Variants in MAGI2 observed in about 807,000 individuals in gnomAD.
The protein encoded by MAGI2 is membrane associated guanylate kinase, WW and PDZ domain containing 2.
In MAGI2, 35 loss-of-function variants were observed where a neutral mutation model predicts 133.3. That is an observed-to-expected ratio of 0.26 (90% CI 0.20 to 0.35). The LOEUF (loss-of-function observed/expected upper bound fraction) is 0.35. Ranked by LOEUF, MAGI2 falls within the 10% of genes least tolerant of loss-of-function variation. The pLI, the probability that MAGI2 is intolerant of heterozygous loss-of-function variation, is 1.00. For synonymous variants in MAGI2, 729 were observed against 710.6 expected (o/e 1.03, Z -0.41); for missense variants, 1,636 against 1,863.4 (o/e 0.88, Z 2.25).
At chr7:78,689,641 A>G (rs1216147294) in intron 2 of MAGI2, among the ~76,000 whole-genome samples, 2 of 145,754 alleles carry the variant, frequency 1.4e-5, no homozygotes, top group Non-Finnish European at 3.0e-5. Context: ...CTAAGATTTC[A>G]TATCAATGAA....
rs531828947 is a variant in MAGI2, at chr7:78,974,015, G to T, written c.418+33075C>A. Among the ~76,000 whole-genome samples, 3 of 151,508 alleles carry T rather than the reference G, an allele frequency of 2.0e-5. No individual in the cohort carries two copies. In the South Asian group the frequency reaches 6.2e-4, roughly 31 times the overall value. On this transcript the variant is annotated intron_variant, in intron 2 of 21. Coordinates refer to ENST00000354212, the MANE Select transcript of MAGI2 (RefSeq NM_012301.4). ...GAACAGCATCTTCCCTTTCAATTTG[G>T]GATACATATTGCTTTTCTCAAAAAA...
At chr7:78,789,297 T>C (rs1827084765) in intron 2 of MAGI2, among the ~76,000 whole-genome samples, 1 of 152,216 alleles carries the variant, frequency 6.6e-6, no homozygotes, top group African/African-American at 2.4e-5. Flanking sequence ...TTTGCTCATC[T>C]TAGGGAAACA....
At chr7:78,455,173 G>A (rs1789176089) in intron 6 of MAGI2, among the ~76,000 whole-genome samples, 1 of 134,664 alleles carries the variant, frequency 7.4e-6, no homozygotes, top group Non-Finnish European at 1.5e-5. Context: ...GAGGGAGGGT[G>A]GGGCAGGTAT....
At chr7:79,142,805 T>G (rs1031555721) in intron 1 of MAGI2, among the ~76,000 whole-genome samples, 1 of 152,136 alleles carries the variant, frequency 6.6e-6, no homozygotes, top group African/African-American at 2.4e-5. Context: ...ACCCTTTTAG[T>G]GTTTTGATTA....
intron 1 of MAGI2, among the ~76,000 whole-genome samples, chr7:79,031,635 T>C (rs1191121040): frequency 6.6e-6 from 1 of 152,170 alleles, no homozygotes; most frequent in Non-Finnish European, 1.5e-5. Context: ...GTTGATATTT[T>C]GAGATAATTT....
At chr7:79,009,593 C>A (rs999647819) in intron 1 of MAGI2, among the ~76,000 whole-genome samples, 1 of 152,024 alleles carries the variant, frequency 6.6e-6, no homozygotes, top group Non-Finnish European at 1.5e-5. Flanking sequence ...TTATTCTTTC[C>A]TTTTAAAAGA....
intron 2 of MAGI2, among the ~76,000 whole-genome samples, chr7:78,958,933 C>T (rs780984040): frequency 1.3e-5 from 2 of 152,102 alleles, no homozygotes; most frequent in Non-Finnish European, 2.9e-5. Context: ...ATGTTTACTT[C>T]TCTTTTACAC....
At chr7:78,481,902 T>C (rs1403024145) in intron 6 of MAGI2, among the ~76,000 whole-genome samples, 1 of 151,772 alleles carries the variant, frequency 6.6e-6, no homozygotes, top group East Asian at 1.9e-4. Context: ...AAAGGAAAAA[T>C]GATAATCTGG....
At chr7:78,568,421 C>T (rs1005789090) in intron 3 of MAGI2, 1 of 152,218 alleles carries the variant, frequency 6.6e-6, no homozygotes, top group Non-Finnish European at 1.5e-5. Flanking sequence ...TTTGATTTTG[C>T]ATTTCGCCTC....
intron 1 of MAGI2, among the ~76,000 whole-genome samples, chr7:79,430,944 C>G (rs370193386): frequency 6.6e-6 from 1 of 152,172 alleles, no homozygotes; most frequent in African/African-American, 2.4e-5. Flanking sequence ...TTAAAAGATG[C>G]CTTCTGCAGT....
At chr7:79,246,081 A>AG (rs1327947375) in intron 1 of MAGI2, among the ~76,000 whole-genome samples, 1 of 152,234 alleles carries the variant, frequency 6.6e-6, no homozygotes, top group Non-Finnish European at 1.5e-5. Flanking sequence ...TACTGGGCTT[A>AG]GGGTGCCCCC....
chr7:78,020,796 A>C (rs1405718307), intron 21 of MAGI2, among the ~76,000 whole-genome samples: 1 of 149,074 alleles, frequency 6.7e-6, no homozygotes, highest in Non-Finnish European at 1.5e-5. Flanking sequence ...AATTTGGATA[A>C]ATACATTTTA....
chr7:78,079,345 T>G lies in MAGI2; in HGVS notation c.3568-260A>C, dbSNP rs139132402. ...ACTTATTATGTTACTTATTACTTAT[T>G]ATGACAGAGACTGTAAACTAGTTAG... On this transcript the variant is annotated intron_variant, in intron 20 of 21. Transcript: ENST00000354212. Among the ~76,000 whole-genome samples, 32 of 152,354 alleles carry G rather than the reference T, an allele frequency of 2.1e-4. No individual in the cohort carries two copies. In the East Asian group the frequency reaches 6.2e-3, roughly 29 times the overall value.
chr7:78,361,484 C>A (rs1792805134), intron 7 of MAGI2, among the ~76,000 whole-genome samples: 1 of 146,662 alleles, frequency 6.8e-6, no homozygotes, highest in South Asian at 2.3e-4. Context: ...CAAATATATT[C>A]TCAAAGAAAT....
At chr7:78,724,456 C>T (rs565082637) in intron 2 of MAGI2, among the ~76,000 whole-genome samples, 1 of 152,082 alleles carries the variant, frequency 6.6e-6, no homozygotes, top group African/African-American at 2.4e-5. Context: ...GCTTTCAAGT[C>T]GAGTGCACAG....
At chr7:79,269,299 G>A (rs1485553617) in intron 1 of MAGI2, among the ~76,000 whole-genome samples, 2 of 152,072 alleles carry the variant, frequency 1.3e-5, no homozygotes, top group Non-Finnish European at 2.9e-5. Flanking sequence ...AGAGCAATAA[G>A]TAACAGTTAT....
chr7:78,919,552 T>C (rs1799068664), intron 2 of MAGI2, among the ~76,000 whole-genome samples: 1 of 152,120 alleles, frequency 6.6e-6, no homozygotes, highest in African/African-American at 2.4e-5. Flanking sequence ...TAAATAGCTT[T>C]GAAGCTATTA....
intron 10 of MAGI2, among the ~76,000 whole-genome samples, chr7:78,217,247 A>G (rs1246401416): frequency 6.6e-6 from 1 of 152,158 alleles, no homozygotes; most frequent in Non-Finnish European, 1.5e-5. Context: ...TCCCTGGGCC[A>G]AAGTTTTTGC....
In MAGI2 at chr7:78,257,691, A is replaced by G. The variant is rs369204010; in HGVS notation, c.1409-1110T>C. 6.6e-5 allele frequency among the ~76,000 whole-genome samples: 10 copies of G among 152,322 alleles called. No homozygotes were observed. The East Asian group carries it at 1.7e-3, about 26-fold the overall frequency. ...AATTTTATTTTTGGAGAACTATTTT[A>G]TCATGGATTGGTATTTTTATCTTCA... is the stretch of plus-strand genomic sequence containing the variant. On this transcript the variant is annotated intron_variant, in intron 9 of 21. Coordinates refer to ENST00000354212, the MANE Select transcript of MAGI2 (RefSeq NM_012301.4).
Sources: gnomAD v4.1 joint callset for allele counts (sites outside exome capture counted in the v4.1 genomes callset) on GRCh38, gnomAD v4.1.1 for gene constraint, MANE v1.5 for transcripts, NCBI Gene and HGNC (gene_info 2026-07-23, HGNC 2026-07-21) for gene names.